CALN1: variants seen among roughly 807,000 people sequenced by gnomAD.
The protein encoded by CALN1 is calcium-binding protein 8.
Under a neutral mutation model 30.6 loss-of-function variants are expected in CALN1, and 17 were observed. The observed-to-expected ratio is 0.56, with a 90% CI of 0.38 to 0.83. The LOEUF (loss-of-function observed/expected upper bound fraction) is 0.83, where lower values mean the gene tolerates loss of function less well. Among genes scored for constraint, CALN1 ranks in the 40% least tolerant of loss-of-function variants. CALN1 has a pLI of 0.00. For missense variants in CALN1, 291 were observed against 354.9 expected (o/e 0.82, Z 1.45); for synonymous variants, 156 against 131.4 (o/e 1.19, Z -1.28).
At chr7:72,153,765 C>A (rs765290814) in intron 3 of CALN1, among the ~76,000 whole-genome samples, 3 of 152,152 alleles carry the variant, frequency 2.0e-5, no homozygotes, top group Admixed American at 6.6e-5. Flanking sequence ...GGTGCCCTGG[C>A]CTTTCATCGC....
intron 3 of CALN1, among the ~76,000 whole-genome samples, chr7:72,216,609 C>T (rs1337716860): frequency 6.6e-6 from 1 of 152,004 alleles, no homozygotes; most frequent in Non-Finnish European, 1.5e-5. Flanking sequence ...CCTTCTGTCC[C>T]CTTCACCTGC....
intron 2 of CALN1, among the ~76,000 whole-genome samples, chr7:72,344,351 C>A (rs909620683): frequency 2.0e-5 from 3 of 151,544 alleles, no homozygotes; most frequent in African/African-American, 4.8e-5. Context: ...CAATAAATAA[C>A]CAGAAAAATT....
intron 1 of CALN1, among the ~76,000 whole-genome samples, chr7:72,433,969 A>C (rs1490240389): frequency 6.6e-6 from 1 of 151,976 alleles, no homozygotes; most frequent in Non-Finnish European, 1.5e-5. Flanking sequence ...GCTGAGGCAG[A>C]GGATCACTTG....
At chr7:72,210,948 G>A (rs1047446509) in intron 3 of CALN1, among the ~76,000 whole-genome samples, 5 of 151,950 alleles carry the variant, frequency 3.3e-5, no homozygotes, top group African/African-American at 1.2e-4. Context: ...CCAGCTACTT[G>A]GGAGGCTGAG....
At chr7:72,005,196 G>A (rs893788122) in intron 5 of CALN1, among the ~76,000 whole-genome samples, 7 of 152,302 alleles carry the variant, frequency 4.6e-5, no homozygotes, top group South Asian at 2.1e-4. Context: ...ACAAATGGTC[G>A]CAGCAGCTTT....
the CALN1 span, among the ~76,000 whole-genome samples, chr7:72,456,073 A>G: frequency 1.3e-5 from 2 of 152,118 alleles, no homozygotes; most frequent in Admixed American, 1.3e-4. Flanking sequence ...AGTCCCAGCT[A>G]CTCAGGAGGA....
intron 3 of CALN1, among the ~76,000 whole-genome samples, chr7:72,251,187 T>C (rs1266212451): frequency 6.6e-6 from 1 of 152,186 alleles, no homozygotes; most frequent in Non-Finnish European, 1.5e-5. Flanking sequence ...CTGCTTCTGA[T>C]GTGCCCACCT....
chr7:72,238,054 A>T (rs1385449139), intron 3 of CALN1, among the ~76,000 whole-genome samples: 3 of 152,208 alleles, frequency 2.0e-5, no homozygotes, highest in African/African-American at 7.2e-5. Context: ...AAAACAAGGA[A>T]GCCCTACAGA....
At chr7:72,328,521 T>C (rs1354165460) in intron 2 of CALN1, among the ~76,000 whole-genome samples, 2 of 152,218 alleles carry the variant, frequency 1.3e-5, no homozygotes, top group African/African-American at 4.8e-5. Flanking sequence ...GTCTCAGGTA[T>C]GTCTTTATTA....
intron 2 of CALN1, among the ~76,000 whole-genome samples, chr7:72,402,338 T>C (rs1806397029): frequency 6.6e-6 from 1 of 152,212 alleles, no homozygotes; most frequent in African/African-American, 2.4e-5. Flanking sequence ...TCAGGAGCTC[T>C]AGTCACCAAA....
chr7:72,257,400 A>C lies in CALN1; in HGVS notation c.244+21286T>G, dbSNP rs79354760. Among the ~76,000 whole-genome samples the C allele has an allele frequency of 1.6e-3, 249 of 152,226 alleles. 6 individuals are homozygous for C. In the East Asian group the frequency reaches 0.047, roughly 28 times the overall value. On this transcript the variant is annotated intron_variant, in intron 3 of 6. Transcript: ENST00000395275. ...TTGCCCAAGGGAAATGAAAATTAAA[A>C]CCACAATGAGATGCCACCTTACTCT... is the stretch of plus-strand genomic sequence containing the variant.
At chr7:71,887,118 C>T (rs17144084) in intron 5 of CALN1, among the ~76,000 whole-genome samples, 58,864 of 151,654 alleles carry the variant, frequency 0.39, 13,700 homozygotes, top group African/African-American at 0.65. Context: ...TTGGGGAGCG[C>T]CGAGGGATTT....
chr7:72,457,917 CG>C, the CALN1 span, among the ~76,000 whole-genome samples: 993 of 151,120 alleles, frequency 6.6e-3, 10 homozygotes, highest in African/African-American at 0.023. Flanking sequence ...CACCACGTCT[CG>C]ATACTTTTTG....
chr7:72,412,897 T>C (rs1807270178), upstream of CALN1, among the ~76,000 whole-genome samples: 1 of 152,192 alleles, frequency 6.6e-6, no homozygotes, highest in Admixed American at 6.5e-5. Context: ...GCCCCAGGCC[T>C]GGCTTTCCTG....
chr7:72,486,621 C>T, the CALN1 span, among the ~76,000 whole-genome samples: 4 of 152,074 alleles, frequency 2.6e-5, no homozygotes, highest in Non-Finnish European at 5.9e-5. Context: ...AATCCGCCTG[C>T]CTTGGCCTCC....
intron 4 of CALN1, among the ~76,000 whole-genome samples, chr7:72,026,500 C>A (rs574291582): frequency 1.3e-5 from 2 of 151,924 alleles, no homozygotes; most frequent in South Asian, 2.1e-4. Context: ...GCAGGAGAAT[C>A]GCTGAACCCA....
intron 4 of CALN1, among the ~76,000 whole-genome samples, chr7:72,067,191 T>C (rs552121064): frequency 2.4e-4 from 37 of 152,246 alleles, no homozygotes; most frequent in African/African-American, 7.2e-4. Flanking sequence ...GATGGGAAAA[T>C]AGAGGCAGAA....
intron 5 of CALN1, among the ~76,000 whole-genome samples, chr7:71,931,188 A>T (rs2129520435): frequency 6.6e-6 from 1 of 152,304 alleles, no homozygotes; most frequent in Non-Finnish European, 1.5e-5. Context: ...AGAGGGGATA[A>T]CATTTTGCTT....
intron 2 of CALN1, among the ~76,000 whole-genome samples, chr7:72,360,478 G>C (rs753692210): frequency 6.6e-6 from 1 of 151,596 alleles, no homozygotes; most frequent in Admixed American, 6.6e-5. Context: ...CATGTTTATA[G>C]ATGCATACAA....
Sources: gnomAD v4.1 joint callset for allele counts (sites outside exome capture counted in the v4.1 genomes callset) on GRCh38, gnomAD v4.1.1 for gene constraint, MANE v1.5 for transcripts, NCBI Gene and HGNC (gene_info 2026-07-23, HGNC 2026-07-21) for gene names.